The following HLCS variants were observed in gnomAD, a reference collection of about 807,000 sequenced individuals.
HLCS encodes holocarboxylase synthetase, also known as biotin--protein ligase.
In HLCS, 53 loss-of-function variants were observed where a neutral mutation model predicts 75.0. That is an observed-to-expected ratio of 0.71 (90% CI 0.57 to 0.89). The LOEUF is 0.89. Ranked by LOEUF, HLCS falls within the 40% of genes least tolerant of loss-of-function variation. HLCS has a pLI of 0.00. For synonymous variants in HLCS, 431 were observed against 428.6 expected (o/e 1.01, Z -0.07); for missense variants, 966 against 1,074.0 (o/e 0.90, Z 1.41).
intron 2 of HLCS, among the ~76,000 whole-genome samples, chr21:36,961,284 G>A (rs1045522871): frequency 1.6e-4 from 24 of 152,232 alleles, no homozygotes; most frequent in African/African-American, 5.8e-4. Context: ...AGGAATGGAT[G>A]AGATGACCTG....
chr21:36,909,944 A>C (rs1019904459), intron 5 of HLCS, among the ~76,000 whole-genome samples: 10 of 152,232 alleles, frequency 6.6e-5, no homozygotes, highest in Non-Finnish European at 1.3e-4. Flanking sequence ...CCTCATTGCA[A>C]ATAATAAGAT....
chr21:36,814,764 A>G (rs1025663080), intron 6 of HLCS, among the ~76,000 whole-genome samples: 5 of 152,176 alleles, frequency 3.3e-5, no homozygotes, highest in African/African-American at 4.8e-5. Flanking sequence ...TTCTGATTGG[A>G]TAGGGTCGTG....
rs1332564886 is a variant in HLCS, at chr21:36,886,206, C to T, written c.1892+10654G>A. On this transcript the variant is annotated intron_variant, in intron 6 of 10. Transcript: ENST00000674895. ...CAGCACTTTGGGAGGCCGAGACGGGCGGATCACGAGGTCAGGAAATCGAGA... is the reference window on the plus strand; with the variant it reads ...CAGCACTTTGGGAGGCCGAGACGGGTGGATCACGAGGTCAGGAAATCGAGA... 2.0e-5 allele frequency among the ~76,000 whole-genome samples: 3 copies of T among 151,356 alleles called. No individual in the cohort carries two copies. The East Asian group carries it at 5.8e-4, about 29-fold the overall frequency.
chr21:36,949,976 T>G (rs2067593186), intron 2 of HLCS, among the ~76,000 whole-genome samples: 1 of 152,150 alleles, frequency 6.6e-6, no homozygotes, highest in Non-Finnish European at 1.5e-5. Context: ...TCTGCACAAG[T>G]GACCCACCAT....
At chr21:36,975,678 C>T (rs949896688) in intron 1 of HLCS, among the ~76,000 whole-genome samples, 13 of 152,070 alleles carry the variant, frequency 8.5e-5, no homozygotes, top group African/African-American at 2.9e-4. Context: ...GAGGCTGAGG[C>T]GGGAGAACTG....
In HLCS at chr21:36,906,447, T is replaced by C. The variant is rs140210279; in HGVS notation, c.1621-9316A>G. On this transcript the variant is annotated intron_variant, in intron 5 of 10. Coordinates refer to ENST00000674895, the MANE Select transcript of HLCS (RefSeq NM_001352514.2). ...TAGTCAGGAGGCTGAGGTGAGAGGATCACTTGAGCCCAGGAGCTAGGCTGC... is the reference window on the plus strand; with the variant it reads ...TAGTCAGGAGGCTGAGGTGAGAGGACCACTTGAGCCCAGGAGCTAGGCTGC... Among the ~76,000 whole-genome samples, 1,435 of 152,194 alleles carry C rather than the reference T, an allele frequency of 9.4e-3. 15 individuals are homozygous for C. The highest frequency in any genetic ancestry group is 0.029 in the African/African-American group (1,209 of 41,522).
chr21:36,945,702 T>G lies in HLCS; in HGVS notation c.331-6708A>C, dbSNP rs145407172. Among the ~76,000 whole-genome samples the G allele has an allele frequency of 3.4e-3, 515 of 152,366 alleles. 2 individuals carry two copies. The highest frequency in any genetic ancestry group is 0.011 in the African/African-American group (453 of 41,586). ...TGCTGACAAGTGTGTGGTTTCTTTC[T>G]GGTGTGCTGAAAATGTTTTAGAATT... is the stretch of plus-strand genomic sequence containing the variant. On this transcript the variant is annotated intron_variant, in intron 2 of 10. Transcript: ENST00000674895.
At chr21:36,886,294 G>A (rs1382751078) in intron 6 of HLCS, among the ~76,000 whole-genome samples, 1 of 151,948 alleles carries the variant, frequency 6.6e-6, no homozygotes, top group African/African-American at 2.4e-5. Context: ...TTAGCCGGGC[G>A]TGGTAGCAGG....
Position 36,756,706 on chromosome 21 carries a change from G to A in HLCS, c.2286C>T (p.Asp762=). The A allele has an allele frequency of 6.2e-7, 1 of 1,614,144 alleles. No homozygotes were observed. Among genetic ancestry groups the A allele is most frequent in the Non-Finnish European group, 8.5e-7 (1 of 1,180,020 alleles). Residue 762 remains aspartate (D), a synonymous_variant, in exon 10 of 11, where the codon GAC becomes GAT. Coordinates refer to ENST00000674895, the MANE Select transcript of HLCS (RefSeq NM_001352514.2). ...GTTGTTTATTGTATTCTGTGATGAG[G>A]TCGTTGATGCAGATGGTAGGGTTAC... The part of the protein sequence containing the change: ...TNSNPTICIN[D]LITEYNKQHK...
chr21:36,958,074 T>A (rs2010867), intron 2 of HLCS, among the ~76,000 whole-genome samples: 107,063 of 150,946 alleles, frequency 0.71, 38,177 homozygotes, highest in East Asian at 0.93. Context: ...AAAAATACAA[T>A]AAATAAATAA....
chr21:36,953,001 G>A (rs2067743650), intron 2 of HLCS, among the ~76,000 whole-genome samples: 1 of 152,142 alleles, frequency 6.6e-6, no homozygotes, highest in Non-Finnish European at 1.5e-5. Context: ...AATGCATTTT[G>A]CAGACTACCC....
At chr21:36,788,577 A>G (rs1335925290) in intron 6 of HLCS, among the ~76,000 whole-genome samples, 1 of 152,250 alleles carries the variant, frequency 6.6e-6, no homozygotes, top group Non-Finnish European at 1.5e-5. Context: ...GAGGAAGATT[A>G]AAGTTCCTGC....
intron 6 of HLCS, among the ~76,000 whole-genome samples, chr21:36,847,762 T>C (rs1366559714): frequency 6.6e-6 from 1 of 152,246 alleles, no homozygotes; most frequent in Admixed American, 6.5e-5. Context: ...ACAACAGCAA[T>C]ACATATAAGA....
chr21:36,966,517 G>A lies in HLCS; in HGVS notation c.122C>T (p.Ala41Val). The change falls in exon 1 of 11, where the codon GCG (alanine) becomes GTG (valine). Residue 41 changes from alanine to valine, a missense_variant. Transcript: ENST00000674895. ...GCGGGCGCCCGGGGGCTGCGCGGCCGCGCCGCAGAAGGTGAAGGAACAGCG... is the reference window on the plus strand; with the variant it reads ...GCGGGCGCCCGGGGGCTGCGCGGCCACGCCGCAGAAGGTGAAGGAACAGCG... Reference protein sequence around the residue: ...ASRCSFTFCGAAAQPPGARVC... With the variant: ...ASRCSFTFCGVAAQPPGARVC... The A allele has an allele frequency of 1.0e-6, 1 of 985,296 alleles. No homozygotes were observed. The highest frequency in any genetic ancestry group is 1.2e-6 in the Non-Finnish European group (1 of 831,514). The allele number at this position is 985,296 out of a possible 1,614,324, so 61.0% of individuals were successfully genotyped here.
intron 6 of HLCS, among the ~76,000 whole-genome samples, chr21:36,883,848 G>A (rs1267621393): frequency 6.6e-6 from 1 of 152,146 alleles, no homozygotes; most frequent in African/African-American, 2.4e-5. Context: ...AACAACGGAT[G>A]AACAAATGCA....
At chr21:36,760,995 C>CA (rs1481248430) in intron 8 of HLCS, among the ~76,000 whole-genome samples, 1 of 152,244 alleles carries the variant, frequency 6.6e-6, no homozygotes, top group African/African-American at 2.4e-5. Flanking sequence ...TGGAAGAGAA[C>CA]ATTCAGCAAA....
At chr21:36,968,350 A>G (rs2068693818), upstream of HLCS, among the ~76,000 whole-genome samples, 1 of 152,214 alleles carries the variant, frequency 6.6e-6, no homozygotes, top group Non-Finnish European at 1.5e-5. Flanking sequence ...ATATAGCTGC[A>G]TAGAACACCC....
At position 36,775,709 on chromosome 21, in the gene HLCS, C is replaced by A. The variant is rs573605979; in HGVS notation, c.1893-8424G>T. Among the ~76,000 whole-genome samples the A allele has an allele frequency of 5.2e-3, 784 of 151,682 alleles. 2 individuals are homozygous for A. The highest frequency in any genetic ancestry group is 0.015 in the African/African-American group (637 of 41,298). Reference sequence around the variant, plus strand: ...TCTCATAAATATGTCCATTTTTCTACAACTGGGTGTGGAGCGGCTCTTGGT... The same window carrying A: ...TCTCATAAATATGTCCATTTTTCTAAAACTGGGTGTGGAGCGGCTCTTGGT... On this transcript the variant is annotated intron_variant, in intron 6 of 10. Coordinates refer to ENST00000674895, the MANE Select transcript of HLCS (RefSeq NM_001352514.2).
chr21:36,971,496 G>GT (rs1349683652), upstream of HLCS, among the ~76,000 whole-genome samples: 2 of 152,150 alleles, frequency 1.3e-5, no homozygotes, highest in East Asian at 3.9e-4. Flanking sequence ...GACGATTTGA[G>GT]TATCAAATTG....
Sources: allele counts gnomAD v4.1 joint callset (sites outside exome capture counted in the v4.1 genomes callset), GRCh38; gene constraint gnomAD v4.1.1; transcripts MANE v1.5; gene names NCBI Gene and HGNC (gene_info 2026-07-23, HGNC 2026-07-21).